Variants in PLCD1 observed in about 807,000 individuals in gnomAD.
PLCD1 encodes the protein phospholipase C delta 1, also known as 1-phosphatidylinositol 4,5-bisphosphate phosphodiesterase delta-1.
Under a neutral mutation model 87.4 loss-of-function variants are expected in PLCD1, and 71 were observed. That is an observed-to-expected ratio of 0.81 (90% CI 0.67 to 0.99). The LOEUF is 0.99. PLCD1 is among the 50% of genes least tolerant of loss of function. PLCD1 has a pLI of 0.00. For synonymous variants in PLCD1, 348 were observed against 399.2 expected (o/e 0.87, Z 1.53); for missense variants, 867 against 1,001.5 (o/e 0.87, Z 1.81).
At chr3:38,024,588 G>A (rs1332194660) in intron 1 of PLCD1, 7 of 1,510,792 alleles carry the variant, frequency 4.6e-6, no homozygotes, top group Non-Finnish European at 6.2e-6. Flanking sequence ...GGAGGGAGGA[G>A]CTAGAGTTCG....
At chr3:38,007,923 G>T (rs1023532581) in intron 14 of PLCD1, 65 bp from the exon 15 acceptor site, 2 of 1,602,474 alleles carry the variant, frequency 1.2e-6, no homozygotes, top group East Asian at 2.2e-5. Context: ...CGGAGGGGGG[G>T]TGGATGCGTC....
At chr3:38,024,644 G>A in intron 1 of PLCD1, 1 of 1,519,930 alleles carries the variant, frequency 6.6e-7, no homozygotes, top group Non-Finnish European at 8.8e-7. Flanking sequence ...GGGAAATCTG[G>A]GCTGAGGGGG....
intron 4 of PLCD1, 40 bp downstream of exon 4, chr3:38,011,504 C>T: frequency 6.2e-7 from 1 of 1,614,052 alleles, no homozygotes; most frequent in Non-Finnish European, 8.5e-7. Flanking sequence ...GGTCAAGGGC[C>T]CCATGGACAG....
At chr3:38,024,094 G>C (rs1700272383) in intron 1 of PLCD1, 1 of 516,556 alleles carries the variant, frequency 1.9e-6, no homozygotes, top group Middle Eastern at 3.8e-4. Flanking sequence ...ACAAGGGATG[G>C]GGAGCGTTGG....
chr3:38,027,651 G>A (rs995150349), intron 1 of PLCD1, among the ~76,000 whole-genome samples: 3 of 152,234 alleles, frequency 2.0e-5, no homozygotes, highest in Non-Finnish European at 4.4e-5. Context: ...AGAGTGTGGA[G>A]CCCTAGGCCA....
At position 38,023,950 on chromosome 3, in the gene PLCD1, A is replaced by G. The variant is rs567677539; in HGVS notation, c.35-3598T>C. 5.2e-4 allele frequency among the ~76,000 whole-genome samples: 77 copies of G among 148,804 alleles called. No individual in the cohort carries two copies. The South Asian group carries it at 9.1e-3, about 18-fold the overall frequency. ...TCCCATACTAGATCACCACTGTCACACCCATCACATACAGGCACACTTTTG... is the reference window on the plus strand; with the variant it reads ...TCCCATACTAGATCACCACTGTCACGCCCATCACATACAGGCACACTTTTG... On this transcript the variant is annotated intron_variant, in intron 1 of 14. Transcript: ENST00000334661.
At chr3:38,016,966 C>G (rs1221804786) in intron 2 of PLCD1, among the ~76,000 whole-genome samples, 1 of 151,862 alleles carries the variant, frequency 6.6e-6, no homozygotes, top group African/African-American at 2.4e-5. Context: ...ATTGCAGGCA[C>G]AGTGGAGACA....
Position 38,008,236 on chromosome 3 carries a change from A to G in PLCD1, c.2034T>C (p.Asn678=). The G allele has an allele frequency of 3.7e-6, 6 of 1,614,046 alleles. No individual in the cohort carries two copies. The highest frequency in any genetic ancestry group is 4.2e-6 in the Non-Finnish European group (5 of 1,180,042). Residue 678 remains asparagine, a splice_region_variant and synonymous_variant, in exon 13 of 15, where the codon AAT becomes AAC. Transcript: ENST00000334661. ...GCCCAGCCCAGGCCCAGCACCTACC[A>G]TTGTTGGTGATGACAGCAGTCTGGC... ...ASRQTAVITN[N]GFNPWWDTEF...
In PLCD1 at chr3:38,024,568, T is replaced by G. The variant is rs1167930524; in HGVS notation, c.35-4216A>C. 3 of 1,505,174 alleles carry G rather than the reference T, an allele frequency of 2.0e-6. No homozygotes were observed. In the East Asian group the frequency reaches 7.5e-5, roughly 37 times the overall value. The allele number at this position is 1,505,174 out of a possible 1,614,324, so 93.2% of individuals were successfully genotyped here. A position where few individuals can be genotyped will look rare whatever the true frequency, so the allele number is the denominator to read the frequency against. On this transcript the variant is annotated intron_variant, in intron 1 of 14. Coordinates refer to ENST00000334661, the MANE Select transcript of PLCD1 (RefSeq NM_006225.4). ...CCCTTGGAGGGGAGCAGGGGCGGAG[T>G]CCAGGAATGGGAGGGAGGAGCTAGA...
At chr3:38,022,450 A>AC (rs1253271197) in intron 1 of PLCD1, among the ~76,000 whole-genome samples, 1 of 151,948 alleles carries the variant, frequency 6.6e-6, no homozygotes. Flanking sequence ...CCAGCACCCC[A>AC]CCCCACAAGC....
At chr3:38,028,936 C>T (rs746521589) in intron 1 of PLCD1, among the ~76,000 whole-genome samples, 3 of 152,386 alleles carry the variant, frequency 2.0e-5, no homozygotes, top group South Asian at 4.1e-4. Context: ...GATCGTGCTG[C>T]TTCTTTCAGC....
intron 1 of PLCD1, chr3:38,024,876 A>G (rs1028052078): frequency 4.7e-6 from 2 of 423,596 alleles, no homozygotes; most frequent in South Asian, 2.3e-5. Flanking sequence ...ATGGGGCGAG[A>G]GTGGTGTCGA....
intron 4 of PLCD1, 41 bp from the exon 5 acceptor site, chr3:38,011,486 TGGGCCGGGGTCAA>T: frequency 6.2e-7 from 1 of 1,613,964 alleles, no homozygotes; most frequent in Middle Eastern, 1.7e-4. Context: ...GAGCAGGCCT[TGGGCCGGGGTCAA>T]GGGCCCCATG....
rs1700274797 is a variant in PLCD1 at position 38,024,236 on chromosome 3, TC to T, written c.35-3885del. 4.7e-6 allele frequency: 5 copies of T among 1,056,474 alleles called. No individual in the cohort carries two copies. The Admixed American group carries it at 1.1e-4, about 23-fold the overall frequency. The allele number at this position is 1,056,474 out of a possible 1,614,324, so 65.4% of individuals were successfully genotyped here. The stretch of plus-strand genomic sequence containing the variant: ...GTACTAAACATGTCCAATTAAAGGC[TC>T]CAAGGCAAATGGCCCCGCGTTAAGG... On this transcript the variant is annotated intron_variant, in intron 1 of 14. Transcript: ENST00000334661.
rs1700057304 is a variant in PLCD1, at chr3:38,010,578, CCACTGCCCGTCAGAGCCAGCCTCCAG to C, written c.791-42_791-17del. 5 of 1,605,588 alleles carry C rather than the reference CCACTGCCCGTCAGAGCCAGCCTCCAG, an allele frequency of 3.1e-6. No individual in the cohort carries two copies. Among genetic ancestry groups the C allele is most frequent in the African/African-American group, 2.7e-5 (2 of 74,740 alleles). On this transcript the variant is annotated splice_polypyrimidine_tract_variant and intron_variant, in intron 5 of 14. Coordinates refer to ENST00000334661, the MANE Select transcript of PLCD1 (RefSeq NM_006225.4). ...TGCGCCTTGGCTGGGAGGGAGGAGG[CCACTGCCCGTCAGAGCCAGCCTCCAG>C]CAGGCGCTCCTGGCTGCCCACCCAT...
At position 38,025,978 on chromosome 3, in the gene PLCD1, G is replaced by A. The variant is rs906129448; in HGVS notation, c.34+3528C>T. On this transcript the variant is annotated intron_variant, in intron 1 of 14. Transcript: ENST00000334661. This position sits in a 1 kb window ranked among gnomAD's most constrained non-coding sequence, Gnocchi z 4.0. ...TGAAGCGCAGAGTAACTTGCCTAAG[G>A]TCATATCAGAGAGAATAAATCATGA... is the stretch of plus-strand genomic sequence containing the variant. 6.6e-6 allele frequency among the ~76,000 whole-genome samples: 1 copy of A among 152,208 alleles called. No homozygotes were observed. Among genetic ancestry groups the A allele is most frequent in the South Asian group, 2.1e-4 (1 of 4,834 alleles).
intron 5 of PLCD1, among the ~76,000 whole-genome samples, 167 bp from the exon 6 acceptor site, chr3:38,010,729 G>A (rs1436863668): frequency 1.3e-5 from 2 of 152,148 alleles, no homozygotes; most frequent in Non-Finnish European, 2.9e-5. Flanking sequence ...CGACCAGACT[G>A]TGGCTACTCC....
intron 6 of PLCD1, 42 bp from the exon 7 acceptor site, chr3:38,010,317 C>G (rs777748018): frequency 6.2e-7 from 1 of 1,614,114 alleles, no homozygotes; most frequent in Non-Finnish European, 8.5e-7. Flanking sequence ...GGTCCTGTCC[C>G]GGGTCCCACC....
rs1361444896 is a variant in PLCD1 at position 38,025,006 on chromosome 3, C to T, written c.34+4500G>A. ...CCAGGAAGCAAATCTGTGTCGAAGC[C>T]TGGGGGCGGGGCCAGAGCCAAGGCA... On this transcript the variant is annotated intron_variant, in intron 1 of 14. Transcript: ENST00000334661. This position sits in a 1 kb window ranked among gnomAD's most constrained non-coding sequence, Gnocchi z 4.0. 2.6e-5 allele frequency among the ~76,000 whole-genome samples: 4 copies of T among 152,164 alleles called. No homozygotes were observed. Among genetic ancestry groups the T allele is most frequent in the South Asian group, 2.1e-4 (1 of 4,828 alleles).
Sources: gnomAD v4.1 joint callset for allele counts (sites outside exome capture counted in the v4.1 genomes callset) on GRCh38, gnomAD v4.1.1 for gene constraint, Gnocchi (gnomAD v3.1) non-coding constraint, MANE v1.5 for transcripts, NCBI Gene and HGNC (gene_info 2026-07-23, HGNC 2026-07-21) for gene names.